The following ELAVL4 variants were observed in gnomAD, a reference collection of about 807,000 sequenced individuals.
The protein encoded by ELAVL4 is ELAV like RNA binding protein 4.
A neutral mutation model predicts 35.6 loss-of-function variants in ELAVL4; 1 was observed. The ratio of observed to expected loss-of-function variants is 0.03; its 90% CI spans 0.01 to 0.13. The LOEUF is 0.13. ELAVL4 is among the 10% of genes least tolerant of loss of function. ELAVL4 has a pLI of 1.00. For missense variants in ELAVL4, 267 were observed against 464.9 expected, an observed-to-expected ratio of 0.57 and a Z score of 3.91; for synonymous variants, 156 against 171.0, an observed-to-expected ratio of 0.91 and a Z score of 0.69.
intron 1 of ELAVL4, among the ~76,000 whole-genome samples, chr1:50,081,810 T>A (rs1032955321): frequency 6.6e-6 from 1 of 152,180 alleles, no homozygotes; most frequent in Non-Finnish European, 1.5e-5. Flanking sequence ...GTATTTCTCC[T>A]AAAGCTACCC....
At chr1:50,100,332 C>G (rs1008231215), upstream of ELAVL4, among the ~76,000 whole-genome samples, 1 of 152,132 alleles carries the variant, frequency 6.6e-6, no homozygotes, top group Admixed American at 6.5e-5. Context: ...CATAACATCC[C>G]TCTGTTTATA....
chr1:50,101,514 T>C (rs186746316), upstream of ELAVL4, among the ~76,000 whole-genome samples: 13 of 152,346 alleles, frequency 8.5e-5, no homozygotes, highest in South Asian at 1.9e-3. Flanking sequence ...AATTTTTTAA[T>C]CTTGCTATTT....
At chr1:50,134,122 A>T (rs1464979416) in intron 1 of ELAVL4, among the ~76,000 whole-genome samples, 1 of 152,214 alleles carries the variant, frequency 6.6e-6, no homozygotes, top group Non-Finnish European at 1.5e-5. Context: ...CTGAGTGTGC[A>T]TAAAACTTAA....
chr1:50,166,102 T>A (rs1677870324), intron 2 of ELAVL4, among the ~76,000 whole-genome samples: 2 of 151,980 alleles, frequency 1.3e-5, no homozygotes, highest in Admixed American at 6.6e-5. Context: ...TAAGGGTGGA[T>A]CTGCCTTTGT....
chr1:50,185,034 G>A (rs555952053), intron 3 of ELAVL4, among the ~76,000 whole-genome samples: 19 of 152,290 alleles, frequency 1.2e-4, no homozygotes, highest in African/African-American at 4.6e-4. Context: ...GCCACTTGTA[G>A]CTAATGGCTA....
At chr1:50,085,644 T>C (rs373408416) in intron 1 of ELAVL4, among the ~76,000 whole-genome samples, 1 of 152,254 alleles carries the variant, frequency 6.6e-6, no homozygotes, top group South Asian at 2.1e-4. Context: ...ATTTGCGTTG[T>C]CATTGCTGGC....
intron 1 of ELAVL4, among the ~76,000 whole-genome samples, chr1:50,098,466 TATC>T (rs1665810382): frequency 6.6e-6 from 1 of 152,212 alleles, no homozygotes; most frequent in African/African-American, 2.4e-5. Flanking sequence ...TACCTCATAA[TATC>T]ATAAAGGAAG....
intron 1 of ELAVL4, among the ~76,000 whole-genome samples, chr1:50,056,915 G>C (rs181806793): frequency 1.4e-3 from 207 of 144,208 alleles, no homozygotes; most frequent in Middle Eastern, 7.8e-3. Flanking sequence ...CTGGGTGACA[G>C]AGCAAGACTG....
At chr1:50,164,357 C>G (rs1448931319) in intron 2 of ELAVL4, among the ~76,000 whole-genome samples, 1 of 152,116 alleles carries the variant, frequency 6.6e-6, no homozygotes, top group Non-Finnish European at 1.5e-5. Flanking sequence ...AGGCAGCCCA[C>G]CCCTTAAAAA....
intron 1 of ELAVL4, among the ~76,000 whole-genome samples, chr1:50,122,144 A>C (rs999874844): frequency 3.9e-5 from 6 of 152,048 alleles, no homozygotes; most frequent in African/African-American, 1.4e-4. Context: ...ATTTGAACCC[A>C]GATTTGTCTG....
At chr1:50,113,903 C>G (rs1414367999) in intron 1 of ELAVL4, among the ~76,000 whole-genome samples, 1 of 152,038 alleles carries the variant, frequency 6.6e-6, no homozygotes, top group Non-Finnish European at 1.5e-5. Flanking sequence ...TTTGGTATTA[C>G]TAAACATGTA....
intron 1 of ELAVL4, among the ~76,000 whole-genome samples, chr1:50,130,051 C>A (rs1363614613): frequency 2.0e-5 from 3 of 152,118 alleles, no homozygotes; most frequent in Non-Finnish European, 4.4e-5. Context: ...ATTTCCAACC[C>A]AAGTCGGATC....
In ELAVL4 at chr1:50,087,145, CA is replaced by C. The variant is rs1161449262; in HGVS notation, c.18+38964del. 2.0e-5 allele frequency among the ~76,000 whole-genome samples: 3 copies of C among 152,188 alleles called. No individual in the cohort carries two copies. In the East Asian group the frequency reaches 5.8e-4, roughly 29 times the overall value. ...TTTCCATGTGAAAACCCCCTTGGAG[CA>C]GGATAATCTTTTTCTAATCACTGTA... On this transcript the variant is annotated intron_variant, in intron 1 of 6. Transcript: ENST00000448907.
intron 3 of ELAVL4, among the ~76,000 whole-genome samples, chr1:50,185,647 G>A (rs1036695246): frequency 2.6e-5 from 4 of 152,160 alleles, no homozygotes; most frequent in African/African-American, 9.7e-5. Flanking sequence ...AGCTTACAGT[G>A]GATGCTCAAG....
At chr1:50,128,298 T>G (rs1056803196) in intron 1 of ELAVL4, among the ~76,000 whole-genome samples, 4 of 152,074 alleles carry the variant, frequency 2.6e-5, no homozygotes, top group Non-Finnish European at 5.9e-5. Flanking sequence ...CAATATAGCT[T>G]TAAAAGAATG....
chr1:50,110,227 A>T (rs889652247), intron 1 of ELAVL4, among the ~76,000 whole-genome samples: 24 of 152,142 alleles, frequency 1.6e-4, no homozygotes, highest in African/African-American at 5.8e-4. Context: ...TAGCCAAGGA[A>T]GGTTGGTGTC....
At chr1:50,165,520 C>T (rs541639194) in intron 2 of ELAVL4, among the ~76,000 whole-genome samples, 84 of 148,680 alleles carry the variant, frequency 5.6e-4, no homozygotes, top group African/African-American at 1.8e-3. Context: ...TGCATATATA[C>T]GTATATACAT....
At position 50,195,795 on chromosome 1, in the gene ELAVL4, G is replaced by T. The variant is rs1644019337; in HGVS notation, c.734+9G>T. On this transcript the variant is annotated intron_variant, in intron 5 of 6. Transcript: ENST00000371824. ...CAGGCTCAGAGGTTCAGGTAGGCAT[G>T]CCCAAAGAGGAAGAAGCCCTGCTAC... The T allele has an allele frequency of 1.9e-6, 3 of 1,614,010 alleles. No individual in the cohort carries two copies. Among genetic ancestry groups the T allele is most frequent in the East Asian group, 4.5e-5 (2 of 44,840 alleles).
intron 1 of ELAVL4, among the ~76,000 whole-genome samples, chr1:50,065,516 G>A (rs1664216710): frequency 6.6e-6 from 1 of 151,978 alleles, no homozygotes; most frequent in Non-Finnish European, 1.5e-5. Context: ...AATATTTACT[G>A]CATAAATTTA....
Sources: gnomAD v4.1 joint callset for allele counts (sites outside exome capture counted in the v4.1 genomes callset) on GRCh38, gnomAD v4.1.1 for gene constraint, MANE v1.5 for transcripts, NCBI Gene and HGNC (gene_info 2026-07-23, HGNC 2026-07-21) for gene names.